The following LAMA3 variants were observed in gnomAD, a reference collection of about 807,000 sequenced individuals.
The protein encoded by LAMA3 is laminin subunit alpha-3.
Under a neutral mutation model 402.0 loss-of-function variants are expected in LAMA3, and 281 were observed. That is an observed-to-expected ratio of 0.70 (90% confidence interval 0.63 to 0.77). LAMA3 has a LOEUF of 0.77. LAMA3 is among the 30% of genes least tolerant of loss of function. LAMA3 has a pLI of 0.00. For missense variants in LAMA3, 3,840 were observed against 4,215.5 expected, an observed-to-expected ratio of 0.91 and a Z score of 2.47; for synonymous variants, 1,431 against 1,558.4, an observed-to-expected ratio of 0.92 and a Z score of 1.93.
chr18:23,904,013 T>A lies in LAMA3; in HGVS notation c.6399T>A (p.Ala2133=). Residue 2133 remains alanine, a synonymous_variant, in exon 50 of 75, where the codon GCT becomes GCA. Transcript: ENST00000313654. Reference sequence around the variant, plus strand: ...AAGTAAGAGAACTTTCCAGATCTGCTGGCAAAACATCCCTTGTGGAGGAGG... The same window carrying A: ...AAGTAAGAGAACTTTCCAGATCTGCAGGCAAAACATCCCTTGTGGAGGAGG... ...SDKVRELSRS[A]GKTSLVEEAE... 2.5e-6 allele frequency: 4 copies of A among 1,614,168 alleles called. No individual in the cohort carries two copies. Among genetic ancestry groups the A allele is most frequent in the Non-Finnish European group, 3.4e-6 (4 of 1,180,022 alleles).
intron 18 of LAMA3, among the ~76,000 whole-genome samples, chr18:23,817,577 C>T (rs753354064): frequency 2.0e-5 from 3 of 152,016 alleles, no homozygotes; most frequent in Non-Finnish European, 4.4e-5. Context: ...TAGGCAGGCA[C>T]TGTGGCACAT....
Position 23,847,465 on chromosome 18 carries a change from G to A in LAMA3, c.3933G>A (p.Pro1311=), listed in dbSNP as rs561762952. The A allele has an allele frequency of 9.3e-5, 150 of 1,611,524 alleles. 1 individual carries two copies. The highest frequency in any genetic ancestry group is 7.9e-4 in the South Asian group (72 of 91,084). Residue 1311 remains proline, a splice_region_variant and synonymous_variant, in exon 32 of 75, where the codon CCG becomes CCA. Transcript: ENST00000313654. ...TGHYGFPRCK[P]CSCGRRLCEE... ...GGTATTTCTTTATCCCCTGGCCAGC[G>A]TGCAGCTGTGGTCGGCGCCTTTGTG...
Position 23,865,064 on chromosome 18 carries a change from G to A in LAMA3, c.4683+181G>A, listed in dbSNP as rs1030754464. Among the ~76,000 whole-genome samples, 11 of 152,308 alleles carry A rather than the reference G, an allele frequency of 7.2e-5. No individual in the cohort carries two copies. In the East Asian group the frequency reaches 1.9e-3, roughly 27 times the overall value. The stretch of plus-strand genomic sequence containing the variant: ...ATCTTTTCAGGATCCTGCCTCCTCT[G>A]ACCAAATGTTGTCTGTCTTCTCTGC... On this transcript the variant is annotated intron_variant, in intron 36 of 74. Coordinates refer to ENST00000313654, the MANE Select transcript of LAMA3 (RefSeq NM_198129.4).
At chr18:23,731,449 A>G (rs1051739408) in intron 2 of LAMA3, among the ~76,000 whole-genome samples, 2 of 152,210 alleles carry the variant, frequency 1.3e-5, no homozygotes, top group African/African-American at 2.4e-5. Flanking sequence ...TGTGCTCTAC[A>G]GTGAAATTCT....
chr18:23,907,708 T>C, intron 53 of LAMA3, 42 bp downstream of exon 53: 1 of 1,613,378 alleles, frequency 6.2e-7, no homozygotes, highest in Non-Finnish European at 8.5e-7. Context: ...TGGCTTCTTT[T>C]GTTGAACGTT....
At chr18:23,900,577 G>A (rs894930409) in intron 47 of LAMA3, among the ~76,000 whole-genome samples, 6 of 152,134 alleles carry the variant, frequency 3.9e-5, no homozygotes, top group African/African-American at 4.8e-5. Context: ...TACATCAAAA[G>A]GTTTTGACTA....
chr18:23,720,498 G>A (rs941477374), intron 2 of LAMA3, among the ~76,000 whole-genome samples: 2 of 152,036 alleles, frequency 1.3e-5, no homozygotes, highest in Non-Finnish European at 2.9e-5. Flanking sequence ...GGGACTACAG[G>A]CACGGACCAC....
chr18:23,731,401 G>T (rs1192603035), intron 2 of LAMA3, among the ~76,000 whole-genome samples: 4 of 152,120 alleles, frequency 2.6e-5, no homozygotes, highest in African/African-American at 7.2e-5. Flanking sequence ...TTCTTGTTAA[G>T]ATTTATTGCT....
Position 23,876,387 on chromosome 18 carries a change from G to C in LAMA3, c.5092G>C (p.Asp1698His). 1 of 1,611,660 alleles carries C rather than the reference G, an allele frequency of 6.2e-7. No homozygotes were observed. The highest frequency in any genetic ancestry group is 8.5e-7 in the Non-Finnish European group (1 of 1,177,712). The change falls in exon 39 of 75, where the codon GAT becomes CAT. Residue 1698 changes from aspartate (D) to histidine (H), a missense_variant. Asp to His is a moderately conservative substitution (Grantham distance 81, BLOSUM62 -1). Around this residue, in one of 3 missense-constraint regions of LAMA3, gnomAD observed 2,109 missense variants for 2,376.0 expected, o/e 0.89. Coordinates refer to ENST00000313654, the MANE Select transcript of LAMA3 (RefSeq NM_198129.4). ...CAACGGACATTCAAATCAATGCCAG[G>C]ATGGCTCAGGCATATGTGTTGTGAG... The part of the protein sequence containing the change: ...NCNGHSNQCQ[D>H]GSGICVNCQH...
chr18:23,833,927 A>T lies in LAMA3; in HGVS notation c.2923A>T (p.Asn975Tyr). The stretch of plus-strand genomic sequence containing the variant: ...AGCTCAGCTGTTTGTGGTTGATGTG[A>T]ATGTGAAGAGCTCCGGGTCTGTTCT... ...EAAQLFVVDV[N>Y]VKSSGSVLAG... The change falls in exon 24 of 75, where the codon AAT becomes TAT. Residue 975 changes from asparagine to tyrosine, a missense_variant. Around this residue, in one of 3 missense-constraint regions of LAMA3, gnomAD observed 2,109 missense variants for 2,376.0 expected, o/e 0.89. Transcript: ENST00000313654. The T allele has an allele frequency of 6.2e-7, 1 of 1,614,202 alleles. No homozygotes were observed. The highest frequency in any genetic ancestry group is 8.5e-7 in the Non-Finnish European group (1 of 1,180,040).
At chr18:23,754,552 T>C (rs908500063) in intron 6 of LAMA3, among the ~76,000 whole-genome samples, 1 of 152,254 alleles carries the variant, frequency 6.6e-6, no homozygotes, top group African/African-American at 2.4e-5. Context: ...TATATATGTA[T>C]ATATTACATT....
chr18:23,762,398 G>A (rs1056134965), intron 7 of LAMA3, among the ~76,000 whole-genome samples: 3 of 151,448 alleles, frequency 2.0e-5, no homozygotes, highest in African/African-American at 7.3e-5. Context: ...AGACCAGCCT[G>A]GTCAACATGG....
chr18:23,835,628 C>T (rs750772063), intron 24 of LAMA3, among the ~76,000 whole-genome samples: 3 of 152,226 alleles, frequency 2.0e-5, no homozygotes, highest in East Asian at 1.9e-4. Context: ...AGGAGTGTCC[C>T]GTTCTATTTT....
chr18:23,918,695 C>T lies in LAMA3; in HGVS notation c.7923+2000C>T, dbSNP rs2081725087. Among the ~76,000 whole-genome samples, 1 of 152,200 alleles carries T rather than the reference C, an allele frequency of 6.6e-6. No individual in the cohort carries two copies. Among genetic ancestry groups the T allele is most frequent in the Non-Finnish European group, 1.5e-5 (1 of 68,040 alleles). ...CCTATAGCCGGCCTGGAGTTGAACC[C>T]TCCGGTGAATAGGAGCTTCTGTAGT... On this transcript the variant is annotated intron_variant, in intron 60 of 74. Coordinates refer to ENST00000313654, the MANE Select transcript of LAMA3 (RefSeq NM_198129.4). This position sits in a 1 kb window ranked among gnomAD's most constrained non-coding sequence, Gnocchi z 4.1.
At chr18:23,713,800 A>G in intron 1 of LAMA3, 120 bp from the exon 2 acceptor site, 1 of 832,166 alleles carries the variant, frequency 1.2e-6, no homozygotes, top group Non-Finnish European at 1.9e-6. Flanking sequence ...TGACTTCTCT[A>G]AGCTGTATAA....
chr18:23,830,813 C>T (rs967118768), intron 23 of LAMA3, among the ~76,000 whole-genome samples: 1 of 152,142 alleles, frequency 6.6e-6, no homozygotes, highest in Non-Finnish European at 1.5e-5. Context: ...TCAGACCCAC[C>T]TCCACACAGA....
intron 41 of LAMA3, among the ~76,000 whole-genome samples, chr18:23,887,428 G>A (rs1047319725): frequency 6.6e-5 from 10 of 152,268 alleles, no homozygotes; most frequent in Admixed American, 5.9e-4. Flanking sequence ...GCATTAAACA[G>A]CAACAGGCTC....
intron 18 of LAMA3, among the ~76,000 whole-genome samples, chr18:23,818,495 T>C (rs2063221071): frequency 6.6e-6 from 1 of 152,242 alleles, no homozygotes. Flanking sequence ...CAATCTTGCA[T>C]CCTTTTGTAC....
intron 2 of LAMA3, among the ~76,000 whole-genome samples, chr18:23,745,356 T>C (rs1450699781): frequency 6.6e-6 from 1 of 152,212 alleles, no homozygotes; most frequent in Non-Finnish European, 1.5e-5. Context: ...AGCTTTGTAG[T>C]AGCAGAAAGT....
Sources: gnomAD v4.1 joint callset for allele counts (sites outside exome capture counted in the v4.1 genomes callset) on GRCh38, gnomAD v4.1.1 for gene constraint, gnomAD v4.1.1 regional missense constraint, Gnocchi (gnomAD v3.1) non-coding constraint, MANE v1.5 for transcripts, NCBI Gene and HGNC (gene_info 2026-07-23, HGNC 2026-07-21) for gene names.